The following ROR1 variants were observed in gnomAD, a reference collection of about 807,000 sequenced individuals.
ROR1 encodes ROR family WNT receptor 1, also known as inactive tyrosine-protein kinase transmembrane receptor ROR1.
Under a neutral mutation model 78.8 loss-of-function variants are expected in ROR1, and 19 were observed. The observed-to-expected ratio is 0.24, with a 90% CI of 0.17 to 0.35. The LOEUF (loss-of-function observed/expected upper bound fraction) is 0.35. ROR1 is among the 10% of genes least tolerant of loss of function. ROR1 has a pLI of 1.00. For missense variants in ROR1, 917 were observed against 1,177.8 expected, an observed-to-expected ratio of 0.78 and a Z score of 3.24; for synonymous variants, 386 against 433.6, an observed-to-expected ratio of 0.89 and a Z score of 1.36.
At position 63,774,374 on chromosome 1, in the gene ROR1, G is replaced by A; in HGVS notation, c.-44G>A. The A allele has an allele frequency of 8.1e-7, 1 of 1,230,138 alleles. No individual in the cohort carries two copies. The highest frequency in any genetic ancestry group is 1.7e-5 in the South Asian group (1 of 57,160). 76.2% of individuals were successfully genotyped at this position (1,230,138 alleles called of 1,614,324 possible). ...GGAAGAGCCCGTGGATGTTCTGCGC[G>A]CGGCCTGGGAGCCGCCGCCGCCGCC... On this transcript the variant is annotated 5_prime_UTR_variant, in exon 1 of 9. Transcript: ENST00000371079. This position sits in a 1 kb window ranked among gnomAD's most constrained non-coding sequence, Gnocchi z 5.7.
chr1:64,168,478 TTC>T (rs1650147525), intron 8 of ROR1, among the ~76,000 whole-genome samples: 4 of 152,220 alleles, frequency 2.6e-5, no homozygotes, highest in African/African-American at 9.6e-5. Flanking sequence ...GAGCCATGTC[TTC>T]TCTCTTCATG....
chr1:63,925,354 T>A (rs1432878110), intron 1 of ROR1, among the ~76,000 whole-genome samples: 1 of 150,656 alleles, frequency 6.6e-6, no homozygotes. Flanking sequence ...CATCATTTTT[T>A]ATGGCTGCAT....
Position 64,179,023 on chromosome 1 carries a change from A to AT in ROR1, c.*168_*169insT, listed in dbSNP as rs1650476819. The AT allele has an allele frequency of 8.2e-5, 11 of 134,758 alleles. No homozygotes were observed. Among genetic ancestry groups the AT allele is most frequent in the East Asian group, 1.5e-4 (1 of 6,694 alleles). 8.3% of individuals were successfully genotyped at this position (134,758 alleles called of 1,614,324 possible). ...TACCAAGCAGGACAGACACTCGGCC[A>AT]GAAAAAAAAAAAAAAAAAAAAAACA... On this transcript the variant is annotated 3_prime_UTR_variant, in exon 9 of 9. Transcript: ENST00000371079.
At chr1:64,068,733 A>G (rs1646977926) in intron 4 of ROR1, among the ~76,000 whole-genome samples, 1 of 152,182 alleles carries the variant, frequency 6.6e-6, no homozygotes, top group African/African-American at 2.4e-5. Flanking sequence ...ATCCATTGTG[A>G]TAGAAATTTT....
chr1:64,047,928 G>A (rs991452415), intron 2 of ROR1, among the ~76,000 whole-genome samples: 2 of 152,214 alleles, frequency 1.3e-5, no homozygotes, highest in African/African-American at 2.4e-5. Flanking sequence ...TGGTAATGCA[G>A]TAGTCATGCT....
At chr1:63,876,096 T>C (rs1645283001) in intron 1 of ROR1, among the ~76,000 whole-genome samples, 2 of 152,190 alleles carry the variant, frequency 1.3e-5, no homozygotes. Flanking sequence ...GCCAGTTAAA[T>C]AGAGGAGTCC....
chr1:63,809,020 C>A (rs1271863066), intron 1 of ROR1, among the ~76,000 whole-genome samples: 1 of 152,044 alleles, frequency 6.6e-6, no homozygotes, highest in African/African-American at 2.4e-5. Flanking sequence ...TGATTCATGG[C>A]CATTTGGAAC....
intron 2 of ROR1, among the ~76,000 whole-genome samples, chr1:64,026,319 G>A (rs1646609217): frequency 6.6e-6 from 1 of 152,086 alleles, no homozygotes; most frequent in South Asian, 2.1e-4. Context: ...CTATGAAATG[G>A]GGGTTCAAAA....
intron 4 of ROR1, among the ~76,000 whole-genome samples, chr1:64,096,608 A>G (rs1647309130): frequency 6.6e-6 from 1 of 152,142 alleles, no homozygotes; most frequent in Non-Finnish European, 1.5e-5. Context: ...CATGGAGTAT[A>G]TTATACATGC....
chr1:64,103,514 C>T (rs1463939397), intron 4 of ROR1, among the ~76,000 whole-genome samples: 1 of 152,052 alleles, frequency 6.6e-6, no homozygotes, highest in Non-Finnish European at 1.5e-5. Flanking sequence ...ATATAATTGC[C>T]ATTTCAATAT....
At chr1:63,776,972 C>T (rs1202399572) in intron 1 of ROR1, among the ~76,000 whole-genome samples, 1 of 152,108 alleles carries the variant, frequency 6.6e-6, no homozygotes, top group South Asian at 2.1e-4. Context: ...TCAGCTTAAG[C>T]GGAGATATGT....
chr1:64,172,973 C>T (rs957573709), intron 8 of ROR1, among the ~76,000 whole-genome samples: 4 of 152,206 alleles, frequency 2.6e-5, no homozygotes, highest in African/African-American at 9.6e-5. Context: ...ACCGTACAGT[C>T]TACTGACTGC....
At chr1:64,162,171 T>C (rs1173556009) in intron 8 of ROR1, among the ~76,000 whole-genome samples, 2 of 152,194 alleles carry the variant, frequency 1.3e-5, no homozygotes, top group Admixed American at 1.3e-4. Context: ...TTATTCTTTT[T>C]TCCCCTTGGC....
At chr1:64,172,683 T>C (rs1044053283) in intron 8 of ROR1, among the ~76,000 whole-genome samples, 1 of 152,212 alleles carries the variant, frequency 6.6e-6, no homozygotes, top group Non-Finnish European at 1.5e-5. Flanking sequence ...CATCCCTGTA[T>C]GACAAATACT....
intron 1 of ROR1, among the ~76,000 whole-genome samples, chr1:63,868,030 T>A (rs552006463): frequency 6.6e-6 from 1 of 152,190 alleles, no homozygotes; most frequent in Non-Finnish European, 1.5e-5. Flanking sequence ...GTGGCTGGAG[T>A]GAAGCTGCTA....
rs139343002 is a variant in ROR1, at chr1:63,853,323, T to C, written c.91+78815T>C. 2.6e-3 allele frequency among the ~76,000 whole-genome samples: 401 copies of C among 152,344 alleles called. 3 individuals are homozygous for C. Among genetic ancestry groups the C allele is most frequent in the African/African-American group, 9.3e-3 (388 of 41,582 alleles). On this transcript the variant is annotated intron_variant, in intron 1 of 8. Transcript: ENST00000371079. ...AAGTACTATTGTTAGCCTCGTTTTA[T>C]AGATGAAAAAACTGAGAGGTTAAGT...
intron 1 of ROR1, among the ~76,000 whole-genome samples, chr1:63,827,171 A>C (rs1220576087): frequency 6.6e-6 from 1 of 152,064 alleles, no homozygotes; most frequent in African/African-American, 2.4e-5. Flanking sequence ...AGTTTCTTAT[A>C]GATGCTGGAT....
intron 1 of ROR1, among the ~76,000 whole-genome samples, chr1:63,783,090 C>A (rs573928581): frequency 6.6e-6 from 1 of 152,230 alleles, no homozygotes; most frequent in South Asian, 2.1e-4. Flanking sequence ...CTGAGACTAT[C>A]CTGAGTTCTT....
intron 4 of ROR1, among the ~76,000 whole-genome samples, chr1:64,114,023 A>G (rs1648221203): frequency 6.6e-6 from 1 of 152,094 alleles, no homozygotes; most frequent in South Asian, 2.1e-4. Context: ...TGGCATGGGA[A>G]CTCAGTCCAT....
Sources: allele counts gnomAD v4.1 joint callset (sites outside exome capture counted in the v4.1 genomes callset), GRCh38; gene constraint gnomAD v4.1.1; non-coding constraint Gnocchi (gnomAD v3.1); transcripts MANE v1.5; gene names NCBI Gene and HGNC (gene_info 2026-07-23, HGNC 2026-07-21).